The following PDHX variants were observed in gnomAD, a reference collection of about 807,000 sequenced individuals.
PDHX encodes pyruvate dehydrogenase protein X component, mitochondrial.
Under a neutral mutation model 55.3 loss-of-function variants are expected in PDHX, and 33 were observed. The observed-to-expected ratio is 0.60, with a 90% CI of 0.45 to 0.80. PDHX has a LOEUF of 0.80. Ranked by LOEUF, PDHX falls within the 30% of genes least tolerant of loss-of-function variation. The pLI, the probability that PDHX is intolerant of heterozygous loss-of-function variation, is 0.00. For synonymous variants in PDHX, 226 were observed against 219.4 expected (o/e 1.03, Z -0.27); for missense variants, 622 against 619.9 (o/e 1.00, Z -0.04).
At chr11:34,974,068 G>A (rs1272484481) in intron 7 of PDHX, among the ~76,000 whole-genome samples, 1 of 152,134 alleles carries the variant, frequency 6.6e-6, no homozygotes, top group Non-Finnish European at 1.5e-5. Flanking sequence ...TGTACAGTTA[G>A]TTCGTTGACA....
At chr11:34,953,373 T>C (rs1047318796) in intron 3 of PDHX, among the ~76,000 whole-genome samples, 3 of 152,138 alleles carry the variant, frequency 2.0e-5, no homozygotes, top group South Asian at 2.1e-4. Flanking sequence ...AAAAAGAGCC[T>C]GCATCGCCAA....
At chr11:34,926,234 AAATTACT>A (rs1314289987) in intron 1 of PDHX, among the ~76,000 whole-genome samples, 3 of 152,202 alleles carry the variant, frequency 2.0e-5, no homozygotes, top group Non-Finnish European at 4.4e-5. Context: ...GCTGATTTTT[AAATTACT>A]TTTACTTTAT....
intron 2 of PDHX, among the ~76,000 whole-genome samples, chr11:34,940,745 C>T (rs758941410): frequency 2.0e-5 from 3 of 152,102 alleles, no homozygotes; most frequent in South Asian, 4.1e-4. Flanking sequence ...CTAGACAATC[C>T]GGATCTGTTT....
chr11:34,982,915 T>G (rs1855550601), intron 8 of PDHX, among the ~76,000 whole-genome samples: 1 of 152,130 alleles, frequency 6.6e-6, no homozygotes, highest in African/African-American at 2.4e-5. Flanking sequence ...CCTCCCTAAC[T>G]CATTTTATGA....
At chr11:34,955,515 C>T (rs1263365500) in intron 3 of PDHX, among the ~76,000 whole-genome samples, 1 of 151,964 alleles carries the variant, frequency 6.6e-6, no homozygotes, top group African/African-American at 2.4e-5. Flanking sequence ...TATCACTTGT[C>T]CTTGTCCATT....
At chr11:34,940,725 A>G (rs72912934) in intron 2 of PDHX, among the ~76,000 whole-genome samples, 2 of 151,966 alleles carry the variant, frequency 1.3e-5, no homozygotes, top group Non-Finnish European at 2.9e-5. Flanking sequence ...TTTTCCTCCC[A>G]TCTCTATCCC....
chr11:34,962,639 G>C (rs1334073082), intron 5 of PDHX, among the ~76,000 whole-genome samples: 1 of 152,138 alleles, frequency 6.6e-6, no homozygotes, highest in East Asian at 1.9e-4. Flanking sequence ...AGGGAAACTA[G>C]AGGTTAAAAT....
rs183306072 is a variant in PDHX at position 34,948,799 on chromosome 11, A to G, written c.342+1193A>G. On this transcript the variant is annotated intron_variant, in intron 3 of 10. Transcript: ENST00000227868. ...CATACCAAAAATAGTTTTCTTGACT[A>G]ATTTATGCAGCATATTGAAACAGAT... 4.6e-3 allele frequency among the ~76,000 whole-genome samples: 693 copies of G among 152,300 alleles called. 7 individuals are homozygous for G. Among genetic ancestry groups the G allele is most frequent in the Non-Finnish European group, 5.5e-3 (371 of 68,010 alleles).
intron 1 of PDHX, among the ~76,000 whole-genome samples, chr11:34,917,901 C>T (rs1853774333): frequency 6.6e-6 from 1 of 152,120 alleles, no homozygotes. Context: ...GAGATTCGGT[C>T]TGGTCTGGTG....
At chr11:34,947,844 T>A (rs1432139262) in intron 3 of PDHX, among the ~76,000 whole-genome samples, 1 of 152,226 alleles carries the variant, frequency 6.6e-6, no homozygotes, top group Non-Finnish European at 1.5e-5. Context: ...TATTAGAGCT[T>A]ATGTGAAAAG....
chr11:34,949,743 T>C (rs2133964844), intron 3 of PDHX, among the ~76,000 whole-genome samples: 1 of 152,298 alleles, frequency 6.6e-6, no homozygotes, highest in South Asian at 2.1e-4. Context: ...GGGGTTGCTA[T>C]ATAATTTGGC....
At position 34,957,488 on chromosome 11, in the gene PDHX, TCCA is replaced by T. The variant is rs1315700005; in HGVS notation, c.454_456del (p.Pro152del). 1 of 1,613,972 alleles carries T rather than the reference TCCA, an allele frequency of 6.2e-7. No homozygotes were observed. The highest frequency in any genetic ancestry group is 1.7e-5 in the Admixed American group (1 of 60,022). On this transcript the variant is annotated inframe_deletion, in exon 4 of 11. Coordinates refer to ENST00000227868, the MANE Select transcript of PDHX (RefSeq NM_003477.3). ...TTGAAATTCCCAAAGACGTAGGTCC[TCCA>T]CCACCAGTTTCAAAACCTTCAGAGC... is the stretch of plus-strand genomic sequence containing the variant.
At chr11:34,935,558 T>G (rs1772207724) in intron 2 of PDHX, among the ~76,000 whole-genome samples, 1 of 152,214 alleles carries the variant, frequency 6.6e-6, no homozygotes, top group Non-Finnish European at 1.5e-5. Flanking sequence ...TATTGGCCAC[T>G]GGATAACCTC....
chr11:34,916,583 AC>A (rs1853711342), upstream of PDHX: 6 of 1,580,446 alleles, frequency 3.8e-6, no homozygotes, highest in Non-Finnish European at 5.1e-6. Context: ...GGCGTGGCCA[AC>A]CATGCGGGAG....
At chr11:34,964,349 A>G (rs541685147) in intron 5 of PDHX, among the ~76,000 whole-genome samples, 85 of 152,330 alleles carry the variant, frequency 5.6e-4, no homozygotes, top group Admixed American at 2.3e-3. Flanking sequence ...CACACCTGTA[A>G]TCCCAGTGCT....
chr11:34,918,505 A>G (rs578106185), intron 1 of PDHX, among the ~76,000 whole-genome samples: 1 of 151,950 alleles, frequency 6.6e-6, no homozygotes, highest in African/African-American at 2.4e-5. Context: ...TAGGCAAGCA[A>G]TCCTTATCTG....
At chr11:34,964,345 T>G (rs572685378) in intron 5 of PDHX, among the ~76,000 whole-genome samples, 2 of 152,330 alleles carry the variant, frequency 1.3e-5, no homozygotes, top group South Asian at 2.1e-4. Flanking sequence ...GACTCACACC[T>G]GTAATCCCAG....
intron 2 of PDHX, among the ~76,000 whole-genome samples, chr11:34,931,705 G>A (rs1360057253): frequency 6.6e-6 from 1 of 151,948 alleles, no homozygotes; most frequent in Non-Finnish European, 1.5e-5. Context: ...GCACAGAATG[G>A]TAAAAAATAT....
chr11:34,922,594 T>A (rs1853911583), intron 1 of PDHX, among the ~76,000 whole-genome samples: 1 of 152,222 alleles, frequency 6.6e-6, no homozygotes, highest in Non-Finnish European at 1.5e-5. Context: ...TGAACATTTT[T>A]GCTTTTTTTA....
Sources: gnomAD v4.1 joint callset for allele counts (sites outside exome capture counted in the v4.1 genomes callset) on GRCh38, gnomAD v4.1.1 for gene constraint, MANE v1.5 for transcripts, NCBI Gene and HGNC (gene_info 2026-07-23, HGNC 2026-07-21) for gene names.